Variants in TMEM207 observed in about 807,000 individuals in gnomAD.
TMEM207 encodes transmembrane protein 207.
A neutral mutation model predicts 17.4 loss-of-function variants in TMEM207; 15 were observed. The ratio of observed to expected loss-of-function variants is 0.86; its 90% confidence interval spans 0.58 to 1.33. The LOEUF (loss-of-function observed/expected upper bound fraction) is 1.33, where lower values mean the gene tolerates loss of function less well. Among genes scored for constraint, TMEM207 ranks in the 40% most tolerant of loss-of-function variants. The pLI, the probability that TMEM207 is intolerant of heterozygous loss-of-function variation, is 0.00. For missense variants in TMEM207, 205 were observed against 173.8 expected, an observed-to-expected ratio of 1.18 and a Z score of -1.01; for synonymous variants, 70 against 65.6, an observed-to-expected ratio of 1.07 and a Z score of -0.33.
intron 4 of TMEM207, among the ~76,000 whole-genome samples, chr3:190,435,029 T>G (rs1344885243): frequency 6.6e-6 from 1 of 152,186 alleles, no homozygotes; most frequent in East Asian, 1.9e-4. Context: ...ATCTTCTCCT[T>G]CTCTGCCTTC....
At chr3:190,443,960 G>C (rs565834127) in intron 2 of TMEM207, among the ~76,000 whole-genome samples, 1 of 152,146 alleles carries the variant, frequency 6.6e-6, no homozygotes, top group East Asian at 1.9e-4. Flanking sequence ...TTATCAGAAC[G>C]ATTTCCTTTT....
chr3:190,446,249 G>T (rs1410563172), intron 2 of TMEM207, among the ~76,000 whole-genome samples: 1 of 152,138 alleles, frequency 6.6e-6, no homozygotes, highest in African/African-American at 2.4e-5. Context: ...TCAAAGAAGT[G>T]ATTTGAAACT....
intron 4 of TMEM207, among the ~76,000 whole-genome samples, chr3:190,429,954 T>C (rs1719656727): frequency 1.3e-5 from 2 of 151,388 alleles, no homozygotes; most frequent in Non-Finnish European, 2.9e-5. Context: ...AAATCATCAT[T>C]GTCTAACCCA....
At chr3:190,441,412 A>G (rs1340308549) in intron 3 of TMEM207, 26 bp downstream of exon 3, 1 of 1,583,968 alleles carries the variant, frequency 6.3e-7, no homozygotes, top group Non-Finnish European at 8.7e-7. Context: ...CAACTGTCAT[A>G]TAAAACAAAT....
At chr3:190,435,875 A>C (rs1209889317) in intron 4 of TMEM207, among the ~76,000 whole-genome samples, 14 of 152,244 alleles carry the variant, frequency 9.2e-5, no homozygotes, top group Non-Finnish European at 2.9e-5. Context: ...CCCTCCTTAC[A>C]TACCTTTATA....
intron 4 of TMEM207, among the ~76,000 whole-genome samples, chr3:190,438,517 AC>A (rs796386436): frequency 1.2e-4 from 19 of 152,310 alleles, no homozygotes; most frequent in Admixed American, 3.3e-4. Context: ...TAACCATGGC[AC>A]ATAAGCTGCT....
At chr3:190,433,187 G>T (rs1190779513) in intron 4 of TMEM207, among the ~76,000 whole-genome samples, 1 of 151,890 alleles carries the variant, frequency 6.6e-6, no homozygotes, top group Admixed American at 6.6e-5. Flanking sequence ...AGCTCTATTT[G>T]TCCTTTTCTC....
intron 2 of TMEM207, among the ~76,000 whole-genome samples, chr3:190,446,370 G>C (rs1560109369): frequency 6.6e-6 from 1 of 152,138 alleles, no homozygotes; most frequent in African/African-American, 2.4e-5. Flanking sequence ...CGCTGACACT[G>C]TCTTGCGATA....
chr3:190,441,984 G>A (rs546277421), intron 2 of TMEM207, among the ~76,000 whole-genome samples: 1 of 152,200 alleles, frequency 6.6e-6, no homozygotes, highest in African/African-American at 2.4e-5. Context: ...ATTAGGCTAG[G>A]AGGAAAATGA....
intron 1 of TMEM207, among the ~76,000 whole-genome samples, chr3:190,449,488 T>C (rs1720115393): frequency 6.6e-6 from 1 of 152,202 alleles, no homozygotes; most frequent in African/African-American, 2.4e-5. Flanking sequence ...AAGGTTAAAT[T>C]TGCAATCACG....
rs377182441 is a variant in TMEM207, at chr3:190,449,831, G to T, written c.-22C>A. ...ACATATTTAAAGGACAGTCAACTTA[G>T]GATAGTGGTTTGGTGCCTGTGTTTA... On this transcript the variant is annotated 5_prime_UTR_variant, in exon 1 of 5. Coordinates refer to ENST00000354905, the MANE Select transcript of TMEM207 (RefSeq NM_207316.3). 1.9e-6 allele frequency: 3 copies of T among 1,609,360 alleles called. No individual in the cohort carries two copies. Among genetic ancestry groups the T allele is most frequent in the Non-Finnish European group, 1.7e-6 (2 of 1,175,940 alleles).
At chr3:190,447,177 G>C (rs1160107982) in intron 2 of TMEM207, among the ~76,000 whole-genome samples, 1 of 152,080 alleles carries the variant, frequency 6.6e-6, no homozygotes, top group Non-Finnish European at 1.5e-5. Context: ...AGAAGATAGT[G>C]CTGGGTGGAA....
chr3:190,428,806 C>T lies in TMEM207; in HGVS notation c.*789G>A, dbSNP rs144978400. On this transcript the variant is annotated 3_prime_UTR_variant, in exon 5 of 5. Transcript: ENST00000354905. Reference sequence around the variant, plus strand: ...GATGTCTCATTGCTACTTCTGCAGTCCTCATGGGAACAGATACCTATGCCG... The same window carrying T: ...GATGTCTCATTGCTACTTCTGCAGTTCTCATGGGAACAGATACCTATGCCG... 1 of 152,274 alleles carries T rather than the reference C, an allele frequency of 6.6e-6. No homozygotes were observed. The highest frequency in any genetic ancestry group is 1.9e-4 in the East Asian group (1 of 5,170). 9.4% of individuals were successfully genotyped at this position (152,274 alleles called of 1,614,324 possible). A position where few individuals can be genotyped will look rare whatever the true frequency, so the allele number is the denominator to read the frequency against.
rs370876905 is a variant in TMEM207, at chr3:190,447,926, G to A, written c.76-99C>T. 64 of 1,185,518 alleles carry A rather than the reference G, an allele frequency of 5.4e-5. 1 individual carries two copies. Among genetic ancestry groups the A allele is most frequent in the Non-Finnish European group, 6.3e-5 (54 of 852,148 alleles). 73.4% of individuals were successfully genotyped at this position (1,185,518 alleles called of 1,614,324 possible). A position where few individuals can be genotyped will look rare whatever the true frequency, so the allele number is the denominator to read the frequency against. ...AGACAATGTGGGTTTATATCATTTC[G>A]TTTGCTTTTTTAATTAAAAGCTCTA... On this transcript the variant is annotated intron_variant, in intron 1 of 4. Transcript: ENST00000354905.
intron 2 of TMEM207, among the ~76,000 whole-genome samples, chr3:190,443,478 G>C (rs1653089937): frequency 6.6e-6 from 1 of 152,040 alleles, no homozygotes; most frequent in African/African-American, 2.4e-5. Context: ...CAGTTAGCTG[G>C]AGAAGTGCAG....
chr3:190,439,176 C>CAAAAAA (rs772313119), intron 4 of TMEM207, among the ~76,000 whole-genome samples: 28 of 58,596 alleles, frequency 4.8e-4, no homozygotes, highest in Middle Eastern at 0.01. Flanking sequence ...GACTCCGTCT[C>CAAAAAA]AAAAAAAAAA....
chr3:190,447,801 T>A lies in TMEM207; in HGVS notation c.102A>T (p.Glu34Asp). The change falls in exon 2 of 5, where the codon GAA becomes GAT. Residue 34 changes from glutamate to aspartate, a missense_variant. By Grantham distance (45) the Glu-to-Asp change is conservative. Coordinates refer to ENST00000354905, the MANE Select transcript of TMEM207 (RefSeq NM_207316.3). ...CGCTGTTTACTTACATTTCATCTTC[T>A]TCGCATGGTAGGTCCGAGAGCACCA... ...FQLVLSDLPC[E>D]EDEMCVNYND... 6.2e-7 allele frequency: 1 copy of A among 1,612,048 alleles called. No homozygotes were observed. Among genetic ancestry groups the A allele is most frequent in the Non-Finnish European group, 8.5e-7 (1 of 1,179,170 alleles).
intron 4 of TMEM207, among the ~76,000 whole-genome samples, chr3:190,439,257 A>G (rs1473575060): frequency 7.1e-6 from 1 of 139,916 alleles, no homozygotes; most frequent in Non-Finnish European, 1.6e-5. Flanking sequence ...CCTTTGAAGG[A>G]AAAAAAAAAA....
rs778206430 is a variant in TMEM207 at position 190,440,326 on chromosome 3, C to A, written c.222G>T (p.Gln74His). ...CAATTCGGGGTCTCCTCAGCCAGCACTGGAGGCAGAGGACCACAGCTCCAC... is the reference window on the plus strand; with the variant it reads ...CAATTCGGGGTCTCCTCAGCCAGCAATGGAGGCAGAGGACCACAGCTCCAC... Reference protein sequence around the residue: ...LLCGAVVLCLQCWLRRPRIDS... With the variant: ...LLCGAVVLCLHCWLRRPRIDS... Residue 74 changes from glutamine (Q) to histidine (H), a missense_variant, in exon 4 of 5, where the codon CAG becomes CAT. Coordinates refer to ENST00000354905, the MANE Select transcript of TMEM207 (RefSeq NM_207316.3). 6.8e-6 allele frequency: 11 copies of A among 1,614,132 alleles called. No individual in the cohort carries two copies. The South Asian group carries it at 1.1e-4, about 16-fold the overall frequency.
Sources: gnomAD v4.1 joint callset for allele counts (sites outside exome capture counted in the v4.1 genomes callset) on GRCh38, gnomAD v4.1.1 for gene constraint, MANE v1.5 for transcripts, NCBI Gene and HGNC (gene_info 2026-07-23, HGNC 2026-07-21) for gene names.